CLEC16A: variants seen among roughly 807,000 people sequenced by gnomAD.
CLEC16A encodes C-type lectin domain containing 16A.
Under a neutral mutation model 109.5 loss-of-function variants are expected in CLEC16A, and 51 were observed. The ratio of observed to expected loss-of-function variants is 0.47; its 90% CI spans 0.37 to 0.59. The LOEUF (loss-of-function observed/expected upper bound fraction) is 0.59. Ranked by LOEUF, CLEC16A falls within the 20% of genes least tolerant of loss-of-function variation. The pLI, the probability that CLEC16A is intolerant of heterozygous loss-of-function variation, is 0.00. For synonymous variants in CLEC16A, 673 were observed against 564.2 expected (o/e 1.19, Z -2.73); for missense variants, 1,339 against 1,394.0 (o/e 0.96, Z 0.63).
intron 13 of CLEC16A, among the ~76,000 whole-genome samples, chr16:11,035,865 A>T (rs1291984161): frequency 6.6e-6 from 1 of 152,172 alleles, no homozygotes; most frequent in Non-Finnish European, 1.5e-5. Flanking sequence ...CCTTCAAAAC[A>T]CTGGATAGTT....
intron 12 of CLEC16A, among the ~76,000 whole-genome samples, chr16:11,021,860 TA>T (rs1370947342): frequency 6.6e-6 from 1 of 152,118 alleles, no homozygotes; most frequent in Non-Finnish European, 1.5e-5. Flanking sequence ...TAGGGTTTGA[TA>T]AATGGAAACA....
chr16:11,120,566 C>G (rs1397887550), intron 19 of CLEC16A, 49 bp from the exon 20 acceptor site: 1 of 1,555,220 alleles, frequency 6.4e-7, no homozygotes. Flanking sequence ...CTCCATCACC[C>G]TGGGCAGCCA....
At chr16:10,963,774 C>T (rs1043304272) in intron 3 of CLEC16A, among the ~76,000 whole-genome samples, 1 of 152,148 alleles carries the variant, frequency 6.6e-6, no homozygotes, top group African/African-American at 2.4e-5. Flanking sequence ...TCATCCCAGG[C>T]GATTAGCTCA....
rs202206000 is a variant in CLEC16A, at chr16:10,979,343, G to C, written c.918G>C (p.Pro306=). ...LENQDKGGER[P]KISLPVSLYL... The stretch of plus-strand genomic sequence containing the variant: ...CCCTGCACTAGGGAGGAGAACGGCC[G>C]AAAATTAGCCTGCCGGTGTCTCTTT... Residue 306 remains proline, a synonymous_variant, in exon 9 of 24, where the codon CCG becomes CCC. Transcript: ENST00000409790. 2 of 1,612,652 alleles carry C rather than the reference G, an allele frequency of 1.2e-6. No individual in the cohort carries two copies. The highest frequency in any genetic ancestry group is 1.7e-6 in the Non-Finnish European group (2 of 1,179,478).
At chr16:11,166,600 T>C in intron 23 of CLEC16A, 48 bp downstream of exon 23, 1 of 1,509,266 alleles carries the variant, frequency 6.6e-7, no homozygotes, top group Non-Finnish European at 8.9e-7. Context: ...GAGAACCCCG[T>C]GATCCCTCAC....
At chr16:10,992,764 T>C (rs925227924) in intron 10 of CLEC16A, among the ~76,000 whole-genome samples, 1 of 152,004 alleles carries the variant, frequency 6.6e-6, no homozygotes, top group African/African-American at 2.4e-5. Flanking sequence ...AAGACATCTG[T>C]CCCTTCCCTG....
chr16:11,037,357 A>C (rs1279557437), intron 13 of CLEC16A, among the ~76,000 whole-genome samples: 2 of 152,220 alleles, frequency 1.3e-5, no homozygotes, highest in Non-Finnish European at 1.5e-5. Context: ...TTGGGGAAAC[A>C]ACATAACAAC....
At chr16:11,121,764 C>A (rs2052427900) in intron 20 of CLEC16A, among the ~76,000 whole-genome samples, 1 of 150,882 alleles carries the variant, frequency 6.6e-6, no homozygotes, top group Non-Finnish European at 1.5e-5. Flanking sequence ...CCTGTAATCC[C>A]AGCTACCCAG....
intron 10 of CLEC16A, among the ~76,000 whole-genome samples, chr16:10,997,352 C>T (rs1291817830): frequency 3.3e-5 from 5 of 152,204 alleles, no homozygotes; most frequent in Admixed American, 3.3e-4. Flanking sequence ...TGATTTTGTG[C>T]ACATGATTAT....
intron 19 of CLEC16A, among the ~76,000 whole-genome samples, chr16:11,067,175 T>G (rs566956455): frequency 1.0e-3 from 146 of 141,528 alleles, no homozygotes; most frequent in East Asian, 4.5e-3. Flanking sequence ...TTGGTTTTTT[T>G]TTTGTTTGTT....
intron 13 of CLEC16A, among the ~76,000 whole-genome samples, chr16:11,031,176 C>G (rs568871765): frequency 1.3e-5 from 2 of 152,348 alleles, no homozygotes; most frequent in African/African-American, 4.8e-5. Context: ...CAGTGCTCAG[C>G]CAGAGTTTGC....
intron 23 of CLEC16A, among the ~76,000 whole-genome samples, chr16:11,177,945 C>T (rs888344304): frequency 2.0e-5 from 3 of 151,834 alleles, no homozygotes; most frequent in African/African-American, 7.3e-5. Flanking sequence ...ACGAGCACAC[C>T]CAAGCCCATT....
intron 19 of CLEC16A, among the ~76,000 whole-genome samples, chr16:11,096,615 C>T (rs1005727763): frequency 6.6e-6 from 1 of 152,186 alleles, no homozygotes; most frequent in Non-Finnish European, 1.5e-5. Flanking sequence ...CACATGAGTT[C>T]ATTTTACAAA....
intron 21 of CLEC16A, 28 bp from the exon 22 acceptor site, chr16:11,125,951 A>T (rs2052780850): frequency 8.1e-7 from 1 of 1,229,338 alleles, no homozygotes; most frequent in African/African-American, 1.8e-5. Flanking sequence ...ACATGCTCAG[A>T]GTGAACCATG....
chr16:11,078,551 T>C (rs1350097518), intron 19 of CLEC16A, among the ~76,000 whole-genome samples: 1 of 152,150 alleles, frequency 6.6e-6, no homozygotes, highest in Non-Finnish European at 1.5e-5. Flanking sequence ...GTTTCTCAGG[T>C]GGAAACCACC....
chr16:11,049,298 A>G (rs1237457316), intron 17 of CLEC16A, among the ~76,000 whole-genome samples: 1 of 151,116 alleles, frequency 6.6e-6, no homozygotes, highest in Non-Finnish European at 1.5e-5. Flanking sequence ...GAGCCACCGC[A>G]CCTGGCAATT....
At chr16:11,044,860 A>G (rs1036687020) in intron 16 of CLEC16A, among the ~76,000 whole-genome samples, 2 of 150,606 alleles carry the variant, frequency 1.3e-5, no homozygotes, top group African/African-American at 4.9e-5. Flanking sequence ...CAGGAGGCAG[A>G]GATTGCGGCG....
At chr16:11,078,679 G>A (rs186912724) in intron 19 of CLEC16A, among the ~76,000 whole-genome samples, 93 of 152,306 alleles carry the variant, frequency 6.1e-4, no homozygotes, top group Non-Finnish European at 1.1e-3. Context: ...CGTTGAGCAG[G>A]TTTTAGAGGA....
chr16:10,953,589 C>G (rs1444240875), intron 1 of CLEC16A, among the ~76,000 whole-genome samples: 2 of 152,140 alleles, frequency 1.3e-5, no homozygotes, highest in African/African-American at 4.8e-5. Context: ...GGTAAGCCAC[C>G]ATCAGAGAAA....
Sources: gnomAD v4.1 joint callset for allele counts (sites outside exome capture counted in the v4.1 genomes callset) on GRCh38, gnomAD v4.1.1 for gene constraint, MANE v1.5 for transcripts, NCBI Gene and HGNC (gene_info 2026-07-23, HGNC 2026-07-21) for gene names.